The following RSPH3 variants were observed in gnomAD, a reference collection of about 807,000 sequenced individuals.
RSPH3 encodes radial spoke head protein 3 homolog.
In RSPH3, 21 loss-of-function variants were observed where a neutral mutation model predicts 43.8. That is an observed-to-expected ratio of 0.48 (90% CI 0.34 to 0.69). The LOEUF (loss-of-function observed/expected upper bound fraction) is 0.69, where lower values mean the gene tolerates loss of function less well. RSPH3 is among the 30% of genes least tolerant of loss of function. RSPH3 has a pLI of 0.01. For missense variants in RSPH3, 487 were observed against 516.0 expected (o/e 0.94, Z 0.54); for synonymous variants, 173 against 179.8 (o/e 0.96, Z 0.30).
downstream of RSPH3, among the ~76,000 whole-genome samples, chr6:158,972,182 C>T (rs1777701199): frequency 6.6e-6 from 1 of 152,168 alleles, no homozygotes; most frequent in Admixed American, 6.5e-5. Context: ...ATAATGAGAA[C>T]TGTCCAACAA....
At position 158,977,728 on chromosome 6, in the gene RSPH3, T is replaced by C. The variant is rs1430455233; in HGVS notation, c.1067A>G (p.Glu356Gly). ...GCTCTGCTCCAGGAATTCAGAGGCCTCCAGTGACTCTGTCATTGCTCCAGG... is the reference window on the plus strand; with the variant it reads ...GCTCTGCTCCAGGAATTCAGAGGCCCCCAGTGACTCTGTCATTGCTCCAGG... ...GGPGAMTESL[E>G]ASEFLEQSMS... is the part of the protein sequence containing the mutation. The change falls in exon 8 of 8, where the codon GAG (glutamate) becomes GGG (glycine). Residue 356 changes from glutamate to glycine, a missense_variant. Physicochemically the swap from Glu to Gly is moderately conservative, Grantham distance 98. Coordinates refer to ENST00000367069, the MANE Select transcript of RSPH3 (RefSeq NM_031924.8). 1 of 1,614,142 alleles carries C rather than the reference T, an allele frequency of 6.2e-7. No individual in the cohort carries two copies. Among genetic ancestry groups the C allele is most frequent in the East Asian group, 2.2e-5 (1 of 44,882 alleles).
chr6:158,979,945 T>A (rs1777977366), intron 6 of RSPH3, among the ~76,000 whole-genome samples: 1 of 152,152 alleles, frequency 6.6e-6, no homozygotes, highest in Non-Finnish European at 1.5e-5. Context: ...GGATCCTTCT[T>A]TTTCTCCAAT....
At position 158,999,606 on chromosome 6, in the gene RSPH3, G is replaced by C; in HGVS notation, c.-56C>G. The C allele has an allele frequency of 1.2e-6, 2 of 1,612,376 alleles. No individual in the cohort carries two copies. Among genetic ancestry groups the C allele is most frequent in the East Asian group, 2.2e-5 (1 of 44,812 alleles). On this transcript the variant is annotated 5_prime_UTR_variant, in exon 1 of 8. Coordinates refer to ENST00000367069, the MANE Select transcript of RSPH3 (RefSeq NM_031924.8). Reference sequence around the variant, plus strand: ...GAGCTTGGCTTTGAAGCAGGTGGGCGCTAAGGTGTTGTGGGACCCGGAGAG... The same window carrying C: ...GAGCTTGGCTTTGAAGCAGGTGGGCCCTAAGGTGTTGTGGGACCCGGAGAG...
intron 2 of RSPH3, among the ~76,000 whole-genome samples, chr6:158,990,235 T>C (rs1778363058): frequency 6.6e-6 from 1 of 152,158 alleles, no homozygotes; most frequent in South Asian, 2.1e-4. Context: ...AGAACCCTAA[T>C]ACAATCCTCC....
chr6:158,964,097 T>G, the RSPH3 span, among the ~76,000 whole-genome samples: 1 of 152,180 alleles, frequency 6.6e-6, no homozygotes, highest in African/African-American at 2.4e-5. Context: ...TCCAAGACTT[T>G]TGGGTTCCAC....
intron 1 of RSPH3, among the ~76,000 whole-genome samples, chr6:158,997,642 A>G (rs1778639809): frequency 6.6e-6 from 1 of 152,176 alleles, no homozygotes. Context: ...TAATCAATAG[A>G]TTACTTCAAT....
In RSPH3 at chr6:158,999,767, T is replaced by A. The variant is rs201139812; in HGVS notation, c.-217A>T. 6.2e-7 allele frequency: 1 copy of A among 1,611,072 alleles called. No individual in the cohort carries two copies. Among genetic ancestry groups the A allele is most frequent in the African/African-American group, 1.3e-5 (1 of 74,954 alleles). ...CGCTCCCAGCACCACAGAGACCAGC[T>A]GCGGGGGCCGCATCGGTTGCCCAGC... On this transcript the variant is annotated 5_prime_UTR_variant, in exon 1 of 8. Coordinates refer to ENST00000367069, the MANE Select transcript of RSPH3 (RefSeq NM_031924.8).
chr6:158,982,761 A>G, intron 4 of RSPH3, 73 bp from the exon 5 acceptor site: 1 of 901,266 alleles, frequency 1.1e-6, no homozygotes, highest in Non-Finnish European at 1.8e-6. Context: ...TATAATGAAT[A>G]GCAATAACAA....
chr6:158,996,988 G>A (rs1234544695), intron 1 of RSPH3, among the ~76,000 whole-genome samples: 1 of 152,170 alleles, frequency 6.6e-6, no homozygotes, highest in Non-Finnish European at 1.5e-5. Context: ...ACTGGATTAA[G>A]TTCTCACAGG....
intron 1 of RSPH3, among the ~76,000 whole-genome samples, chr6:158,996,956 A>G (rs188146403): frequency 3.2e-4 from 49 of 152,272 alleles, no homozygotes; most frequent in Non-Finnish European, 6.9e-4. Context: ...CGCAGTAGTG[A>G]GGGAACTCTT....
At position 158,977,653 on chromosome 6, in the gene RSPH3, G is replaced by A; in HGVS notation, c.1142C>T (p.Thr381Ile). 6.2e-7 allele frequency: 1 copy of A among 1,614,024 alleles called. No homozygotes were observed. Among genetic ancestry groups the A allele is most frequent in the Non-Finnish European group, 8.5e-7 (1 of 1,180,000 alleles). ...LLLDGGYLQR[T>I]TYDRRSSQER... ...CTGGGATGACCTTCTGTCATATGTT[G>A]TTCTTTGTAGGTAGCCTCCATCTAA... Residue 381 changes from threonine to isoleucine, a missense_variant, in exon 8 of 8, where the codon ACA (threonine) becomes ATA (isoleucine). Coordinates refer to ENST00000367069, the MANE Select transcript of RSPH3 (RefSeq NM_031924.8).
At chr6:158,970,545 TC>T (rs74743247), downstream of RSPH3, among the ~76,000 whole-genome samples, 16,793 of 151,254 alleles carry the variant, frequency 0.11, 1,578 homozygotes, top group East Asian at 0.4. Flanking sequence ...TCAAAGCTTT[TC>T]TTTTTTTTTC....
chr6:158,984,160 C>T (rs991964934), intron 3 of RSPH3, among the ~76,000 whole-genome samples: 6 of 151,842 alleles, frequency 4.0e-5, no homozygotes, highest in African/African-American at 1.5e-4. Context: ...TGGTCTATTT[C>T]AAGCATATAT....
At chr6:158,998,174 G>A (rs1397823010) in intron 1 of RSPH3, among the ~76,000 whole-genome samples, 1 of 146,462 alleles carries the variant, frequency 6.8e-6, no homozygotes, top group Non-Finnish European at 1.5e-5. Flanking sequence ...TTTTTTTGCT[G>A]GGTGTGGTGG....
At position 158,977,575 on chromosome 6, in the gene RSPH3, G is replaced by A. The variant is rs1291538369; in HGVS notation, c.1220C>T (p.Ala407Val). ...TTCCTCCCCTAAGGACTTCCTCATT[G>A]CTGTTTCTTCATCTTGCCCTAAGAG... Reference protein sequence around the residue: ...RELLGQDEETAMRKSLGEEEL... With the variant: ...RELLGQDEETVMRKSLGEEEL... The change falls in exon 8 of 8, where the codon GCA becomes GTA. Residue 407 changes from alanine (A) to valine (V), a missense_variant. Coordinates refer to ENST00000367069, the MANE Select transcript of RSPH3 (RefSeq NM_031924.8). The A allele has an allele frequency of 1.9e-6, 3 of 1,613,306 alleles. No homozygotes were observed. The highest frequency in any genetic ancestry group is 3.3e-5 in the Admixed American group (2 of 59,914).
chr6:158,967,014 A>ATT, the RSPH3 span, among the ~76,000 whole-genome samples: 1 of 142,526 alleles, frequency 7.0e-6, no homozygotes, highest in Non-Finnish European at 1.5e-5. Flanking sequence ...GGCATATTGT[A>ATT]TTTTTTTTTT....
chr6:158,998,425 T>C lies in RSPH3; in HGVS notation c.116+1010A>G, dbSNP rs1474953670. Among the ~76,000 whole-genome samples, 9 of 137,228 alleles carry C rather than the reference T, an allele frequency of 6.6e-5. No individual in the cohort carries two copies. The East Asian group carries it at 1.7e-3, about 25-fold the overall frequency. 90.0% of individuals were successfully genotyped at this position (137,228 alleles called of 152,430 possible). A position where few individuals can be genotyped will look rare whatever the true frequency, so the allele number is the denominator to read the frequency against. On this transcript the variant is annotated intron_variant, in intron 1 of 7. Coordinates refer to ENST00000367069, the MANE Select transcript of RSPH3 (RefSeq NM_031924.8). ...TGGAGGTTGCAGTGAGCCGAGATTG[T>C]GCCACTGCACTCCAGCCTGGGCGAC...
chr6:158,963,987 AC>A, the RSPH3 span, among the ~76,000 whole-genome samples: 1 of 152,174 alleles, frequency 6.6e-6, no homozygotes, highest in Non-Finnish European at 1.5e-5. Flanking sequence ...TAAATTTTCT[AC>A]CCCTCCTCTT....
chr6:158,968,000 A>AT (rs149161512), downstream of RSPH3, among the ~76,000 whole-genome samples: 2,702 of 152,128 alleles, frequency 0.018, 33 homozygotes, highest in Middle Eastern at 0.024. Context: ...TTGTTGGGTT[A>AT]TTTTTAATAA....
Sources: gnomAD v4.1 joint callset for allele counts (sites outside exome capture counted in the v4.1 genomes callset) on GRCh38, gnomAD v4.1.1 for gene constraint, MANE v1.5 for transcripts, NCBI Gene and HGNC (gene_info 2026-07-23, HGNC 2026-07-21) for gene names.